Variants in ARHGAP18 observed in about 807,000 individuals in gnomAD.
ARHGAP18 encodes Rho GTPase activating protein 18, also known as rho GTPase-activating protein 18.
Under a neutral mutation model 86.2 loss-of-function variants are expected in ARHGAP18, and 67 were observed. The ratio of observed to expected loss-of-function variants is 0.78; its 90% CI spans 0.64 to 0.95. The LOEUF (loss-of-function observed/expected upper bound fraction) is 0.95. ARHGAP18 is among the 40% of genes least tolerant of loss of function. The pLI is 0.00. For synonymous variants in ARHGAP18, 283 were observed against 280.4 expected (o/e 1.01, Z -0.09); for missense variants, 691 against 780.4 (o/e 0.89, Z 1.37).
chr6:129,678,802 A>T (rs1774277501), intron 1 of ARHGAP18, among the ~76,000 whole-genome samples: 1 of 152,200 alleles, frequency 6.6e-6, no homozygotes, highest in Non-Finnish European at 1.5e-5. Context: ...CCATTGTAAA[A>T]ATTTCTAAGT....
intron 1 of ARHGAP18, among the ~76,000 whole-genome samples, chr6:129,649,584 T>C (rs1268810988): frequency 2.1e-5 from 3 of 145,696 alleles, no homozygotes; most frequent in African/African-American, 7.6e-5. Context: ...AAAAAGTCAC[T>C]TAACATCTTG....
At chr6:129,615,003 T>G (rs932663111) in intron 7 of ARHGAP18, among the ~76,000 whole-genome samples, 1 of 152,142 alleles carries the variant, frequency 6.6e-6, no homozygotes, top group Non-Finnish European at 1.5e-5. Flanking sequence ...GCTCTACATA[T>G]TTCAGACTTG....
chr6:129,626,888 A>C (rs1296395944), intron 5 of ARHGAP18, among the ~76,000 whole-genome samples: 1 of 152,106 alleles, frequency 6.6e-6, no homozygotes, highest in Non-Finnish European at 1.5e-5. Context: ...GGAAGACAGA[A>C]GATGCTCATG....
intron 13 of ARHGAP18, among the ~76,000 whole-genome samples, chr6:129,583,628 G>T (rs1788331703): frequency 1.3e-5 from 2 of 152,094 alleles, no homozygotes; most frequent in Non-Finnish European, 1.5e-5. Flanking sequence ...ATCCTAATTA[G>T]TAATTTTCCT....
Position 129,710,018 on chromosome 6 carries a change from G to A in ARHGAP18, c.113+6C>T. Reference sequence around the variant, plus strand: ...TTTGTTTTGTTTTCAGCTTCCGAAGGCTTACCTCGAGGTGGCTTCCTCCCC... The same window carrying A: ...TTTGTTTTGTTTTCAGCTTCCGAAGACTTACCTCGAGGTGGCTTCCTCCCC... On this transcript the variant is annotated splice_donor_region_variant and intron_variant, in intron 1 of 14. Transcript: ENST00000368149. 6.2e-7 allele frequency: 1 copy of A among 1,610,554 alleles called. No homozygotes were observed.
At chr6:129,678,724 T>C (rs938735438) in intron 1 of ARHGAP18, among the ~76,000 whole-genome samples, 2 of 152,226 alleles carry the variant, frequency 1.3e-5, no homozygotes, top group African/African-American at 2.4e-5. Flanking sequence ...ATCTGAGCTT[T>C]GTAGTATTAA....
chr6:129,587,399 G>A (rs976725329), intron 12 of ARHGAP18, among the ~76,000 whole-genome samples: 1 of 152,192 alleles, frequency 6.6e-6, no homozygotes, highest in Non-Finnish European at 1.5e-5. Context: ...TATCTACTTG[G>A]GGATGTAGTC....
chr6:129,638,440 G>C lies in ARHGAP18; in HGVS notation c.506C>G (p.Pro169Arg), dbSNP rs763736215. The change falls in exon 3 of 15, where the codon CCT becomes CGT. Residue 169 changes from proline to arginine, a missense_variant. Transcript: ENST00000368149. ...LRKKNKQYQIPDVRDIFAQQR... is the reference protein window; with the variant it reads ...LRKKNKQYQIRDVRDIFAQQR... The stretch of plus-strand genomic sequence containing the variant: ...TTGAGCAAATATGTCTCTGACGTCA[G>C]GAATCTGGTACTGTTTGTTTTTTTT... 1.2e-6 allele frequency: 2 copies of C among 1,614,138 alleles called. No homozygotes were observed. The highest frequency in any genetic ancestry group is 1.7e-6 in the Non-Finnish European group (2 of 1,180,020).
At chr6:129,629,633 G>C (rs1773151807) in intron 4 of ARHGAP18, 111 bp from the exon 5 acceptor site, 2 of 1,118,514 alleles carry the variant, frequency 1.8e-6, no homozygotes, top group Admixed American at 5.4e-5. Context: ...ATTTTCTCTA[G>C]GCAATACTTA....
In ARHGAP18 at chr6:129,638,580, G is replaced by C. The variant is rs1405576064; in HGVS notation, c.366C>G (p.Leu122=). The stretch of plus-strand genomic sequence containing the variant: ...GTGGATCTCCAGCAGACTCTCCGAA[G>C]AGATTGGATAAACCGGCCTCTTTAA... ...EWLKEAGLSN[L]FGESAGDPQE... Residue 122 remains leucine (L), a synonymous_variant, in exon 3 of 15, where the codon CTC becomes CTG. Transcript: ENST00000368149. The C allele has an allele frequency of 8.1e-6, 13 of 1,614,166 alleles. No individual in the cohort carries two copies. Among genetic ancestry groups the C allele is most frequent in the Non-Finnish European group, 1.1e-5 (13 of 1,180,022 alleles).
chr6:129,707,287 A>T (rs550747178), intron 1 of ARHGAP18, among the ~76,000 whole-genome samples: 19 of 152,158 alleles, frequency 1.2e-4, no homozygotes, highest in Non-Finnish European at 2.5e-4. Context: ...ACACATATGT[A>T]TAAATGGCAT....
intron 1 of ARHGAP18, among the ~76,000 whole-genome samples, chr6:129,701,836 A>G (rs1774716171): frequency 6.6e-6 from 1 of 152,166 alleles, no homozygotes; most frequent in Non-Finnish European, 1.5e-5. Context: ...GTTAGCTATG[A>G]AATGTAAGAT....
chr6:129,596,502 C>T (rs1010812356), intron 12 of ARHGAP18, among the ~76,000 whole-genome samples: 1 of 152,162 alleles, frequency 6.6e-6, no homozygotes, highest in African/African-American at 2.4e-5. Flanking sequence ...GGATAAATCA[C>T]ATACTAACAC....
At chr6:129,624,382 T>C (rs901416444) in intron 5 of ARHGAP18, among the ~76,000 whole-genome samples, 1 of 151,528 alleles carries the variant, frequency 6.6e-6, no homozygotes. Context: ...TATAAAAAAT[T>C]AGCCAGGCAT....
At chr6:129,580,218 G>T in intron 13 of ARHGAP18, 87 bp from the exon 14 acceptor site, 2 of 1,206,236 alleles carry the variant, frequency 1.7e-6, no homozygotes, top group Non-Finnish European at 2.4e-6. Flanking sequence ...ATTCTGGCTG[G>T]TATGGAAAAT....
chr6:129,632,732 T>C (rs1303411642), intron 4 of ARHGAP18, among the ~76,000 whole-genome samples: 1 of 152,206 alleles, frequency 6.6e-6, no homozygotes, highest in African/African-American at 2.4e-5. Context: ...TTTTTATAAA[T>C]ATATATGCAT....
chr6:129,631,027 C>T (rs1455652337), intron 4 of ARHGAP18, among the ~76,000 whole-genome samples: 1 of 152,146 alleles, frequency 6.6e-6, no homozygotes, highest in Non-Finnish European at 1.5e-5. Context: ...ATACCTATAC[C>T]TTTTGATGAT....
chr6:129,600,578 C>T, intron 11 of ARHGAP18, 64 bp downstream of exon 11: 1 of 1,335,874 alleles, frequency 7.5e-7, no homozygotes, highest in Non-Finnish European at 1.0e-6. Flanking sequence ...ATTAATAAAG[C>T]TAATAACAAA....
At chr6:129,689,738 G>A (rs1774491757) in intron 1 of ARHGAP18, among the ~76,000 whole-genome samples, 2 of 152,328 alleles carry the variant, frequency 1.3e-5, no homozygotes, top group South Asian at 4.1e-4. Context: ...ATCCTTGTGA[G>A]TGTGTAAGCA....
Sources: allele counts gnomAD v4.1 joint callset (sites outside exome capture counted in the v4.1 genomes callset), GRCh38; gene constraint gnomAD v4.1.1; transcripts MANE v1.5; gene names NCBI Gene and HGNC (gene_info 2026-07-23, HGNC 2026-07-21).